RBFOX3: variants seen among roughly 807,000 people sequenced by gnomAD.
The protein encoded by RBFOX3 is RNA binding protein fox-1 homolog 3.
A neutral mutation model predicts 48.7 loss-of-function variants in RBFOX3; 17 were observed. The observed-to-expected ratio is 0.35, with a 90% CI of 0.24 to 0.52. The LOEUF (loss-of-function observed/expected upper bound fraction) is 0.52, where lower values mean the gene tolerates loss of function less well. Among genes scored for constraint, RBFOX3 ranks in the 20% least tolerant of loss-of-function variants. The pLI, the probability that RBFOX3 is intolerant of heterozygous loss-of-function variation, is 0.94. For missense variants in RBFOX3, 382 were observed against 497.5 expected, an observed-to-expected ratio of 0.77 and a Z score of 2.21; for synonymous variants, 212 against 209.5, an observed-to-expected ratio of 1.01 and a Z score of -0.10.
chr17:79,291,987 T>A (rs1390892049), intron 3 of RBFOX3, among the ~76,000 whole-genome samples: 1 of 152,140 alleles, frequency 6.6e-6, no homozygotes, highest in Non-Finnish European at 1.5e-5. Flanking sequence ...ACAGCCAGCC[T>A]CCACCCCTAC....
chr17:79,224,917 A>G (rs543230934), intron 4 of RBFOX3, among the ~76,000 whole-genome samples: 3 of 152,244 alleles, frequency 2.0e-5, no homozygotes, highest in Non-Finnish European at 4.4e-5. Context: ...CAGGAAAACT[A>G]TTAGTTATTC....
chr17:79,426,202 C>T (rs1233813667), intron 2 of RBFOX3, among the ~76,000 whole-genome samples: 2 of 152,064 alleles, frequency 1.3e-5, no homozygotes, highest in South Asian at 2.1e-4. Context: ...TTCCCCAGGT[C>T]GTGGGGCCCA....
At chr17:79,329,498 G>C (rs1043955390) in intron 2 of RBFOX3, among the ~76,000 whole-genome samples, 1 of 152,148 alleles carries the variant, frequency 6.6e-6, no homozygotes, top group Non-Finnish European at 1.5e-5. Context: ...CATCAACCCA[G>C]ATCACCCGTG....
intron 1 of RBFOX3, among the ~76,000 whole-genome samples, chr17:79,507,012 C>G (rs1266789070): frequency 6.6e-6 from 1 of 152,204 alleles, no homozygotes; most frequent in African/African-American, 2.4e-5. Flanking sequence ...GGGATCCACC[C>G]TCAGGAGGCA....
rs1555757910 is a variant in RBFOX3 at position 79,473,006 on chromosome 17, T to C, written c.-175+9448A>G. Among the ~76,000 whole-genome samples the C allele has an allele frequency of 1.3e-5, 2 of 152,190 alleles. No individual in the cohort carries two copies. ...CCTCCCACCTCAGCCTCCTGAGTAG[T>C]TGAAGTGACAAGCCCTTACTTTTGG... On this transcript the variant is annotated intron_variant, in intron 2 of 14. Coordinates refer to ENST00000693108, the MANE Select transcript of RBFOX3 (RefSeq NM_001350451.2). The surrounding 1 kb of genome is among the most constrained non-coding windows in gnomAD (Gnocchi z 4.2).
chr17:79,240,250 A>C (rs1344372343), intron 3 of RBFOX3, among the ~76,000 whole-genome samples: 1 of 152,246 alleles, frequency 6.6e-6, no homozygotes, highest in African/African-American at 2.4e-5. Flanking sequence ...TGTGTTCCTT[A>C]GTAAAACTCA....
intron 4 of RBFOX3, among the ~76,000 whole-genome samples, chr17:79,139,458 G>A (rs2041444972): frequency 6.6e-6 from 1 of 152,260 alleles, no homozygotes; most frequent in Non-Finnish European, 1.5e-5. Context: ...GGCCTGGAAG[G>A]ACGATTTACA....
rs900849958 is a variant in RBFOX3, at chr17:79,362,805, T to C, written c.-174-54981A>G. On this transcript the variant is annotated intron_variant, in intron 2 of 14. Coordinates refer to ENST00000693108, the MANE Select transcript of RBFOX3 (RefSeq NM_001350451.2). The surrounding 1 kb of genome is among the most constrained non-coding windows in gnomAD (Gnocchi z 4.2). ...GAGCTGGAATTTGTTGCCACAGCTA[T>C]GAGAGAGGGGTAAAGCGGGAACATC... Among the ~76,000 whole-genome samples the C allele has an allele frequency of 6.6e-6, 1 of 152,116 alleles. No homozygotes were observed. Among genetic ancestry groups the C allele is most frequent in the Non-Finnish European group, 1.5e-5 (1 of 68,022 alleles).
chr17:79,548,057 T>C (rs954449673), intron 1 of RBFOX3, among the ~76,000 whole-genome samples: 8 of 152,306 alleles, frequency 5.3e-5, no homozygotes, highest in African/African-American at 1.9e-4. Flanking sequence ...TTTCCTCAAA[T>C]ATTATGGAAA....
rs1265035225 is a variant in RBFOX3 at position 79,195,440 on chromosome 17, G to C, written c.-34+40326C>G. Among the ~76,000 whole-genome samples the C allele has an allele frequency of 2.0e-5, 3 of 151,984 alleles. No individual in the cohort carries two copies. Among genetic ancestry groups the C allele is most frequent in the Non-Finnish European group, 4.4e-5 (3 of 68,010 alleles). On this transcript the variant is annotated intron_variant, in intron 4 of 14. Coordinates refer to ENST00000693108, the MANE Select transcript of RBFOX3 (RefSeq NM_001350451.2). The surrounding 1 kb of genome is among the most constrained non-coding windows in gnomAD (Gnocchi z 5.3). ...AAGAAGAAGAAATGCAAAATGCAAA[G>C]CCAACTGGGTCTCTTCTTAGAGTAA... is the stretch of plus-strand genomic sequence containing the variant.
intron 1 of RBFOX3, among the ~76,000 whole-genome samples, chr17:79,562,240 G>T (rs2092267677): frequency 6.6e-6 from 1 of 152,180 alleles, no homozygotes; most frequent in African/African-American, 2.4e-5. Context: ...ACCGGGAATG[G>T]AAGTCCTGAG....
chr17:79,137,511 T>C (rs556397138), intron 4 of RBFOX3, among the ~76,000 whole-genome samples: 5 of 152,300 alleles, frequency 3.3e-5, no homozygotes, highest in Admixed American at 2.6e-4. Flanking sequence ...CACGCAGCAG[T>C]GCACCTGCAC....
At chr17:79,346,850 T>C (rs1176790439) in intron 2 of RBFOX3, among the ~76,000 whole-genome samples, 2 of 152,216 alleles carry the variant, frequency 1.3e-5, no homozygotes, top group Non-Finnish European at 2.9e-5. Context: ...CTAAAAACAA[T>C]GTCTTCTATT....
intron 2 of RBFOX3, among the ~76,000 whole-genome samples, chr17:79,463,579 T>C (rs1387166920): frequency 5.6e-5 from 5 of 90,002 alleles, no homozygotes; most frequent in African/African-American, 2.3e-4. Context: ...CCATCGCCAC[T>C]GCCACCGCCA....
intron 4 of RBFOX3, among the ~76,000 whole-genome samples, chr17:79,143,288 C>T (rs924646353): frequency 1.3e-5 from 2 of 151,140 alleles, no homozygotes; most frequent in African/African-American, 2.4e-5. Context: ...TTACAGGCCC[C>T]CTGGAGAGTT....
At chr17:79,253,937 T>C (rs147431612) in intron 3 of RBFOX3, among the ~76,000 whole-genome samples, 1 of 152,296 alleles carries the variant, frequency 6.6e-6, no homozygotes, top group African/African-American at 2.4e-5. Context: ...CAGTAGCAGA[T>C]GGATGAAGAG....
At position 79,480,684 on chromosome 17, in the gene RBFOX3, T is replaced by C. The variant is rs2078650663; in HGVS notation, c.-175+1770A>G. 1.3e-5 allele frequency among the ~76,000 whole-genome samples: 2 copies of C among 152,268 alleles called. No homozygotes were observed. The highest frequency in any genetic ancestry group is 1.5e-5 in the Non-Finnish European group (1 of 68,026). On this transcript the variant is annotated intron_variant, in intron 2 of 14. Transcript: ENST00000693108. This position sits in a 1 kb window ranked among gnomAD's most constrained non-coding sequence, Gnocchi z 4.8. ...CTTGGCACTGGCCATTCCCTCTGTC[T>C]GGAACACTCTCCCCTCAGACATCCT...
At chr17:79,616,552 AG>A in the RBFOX3 span, among the ~76,000 whole-genome samples, 4 of 142,862 alleles carry the variant, frequency 2.8e-5, no homozygotes, top group Admixed American at 7.1e-5. Context: ...AAAAAAAAAA[AG>A]AATGGATCTC....
chr17:79,237,464 G>A (rs2061766456), intron 3 of RBFOX3, among the ~76,000 whole-genome samples: 1 of 152,210 alleles, frequency 6.6e-6, no homozygotes, highest in South Asian at 2.1e-4. Context: ...CACAGTAACT[G>A]AGTCAGCTGG....
Sources: allele counts gnomAD v4.1 joint callset (sites outside exome capture counted in the v4.1 genomes callset), GRCh38; gene constraint gnomAD v4.1.1; non-coding constraint Gnocchi (gnomAD v3.1); transcripts MANE v1.5; gene names NCBI Gene and HGNC (gene_info 2026-07-23, HGNC 2026-07-21).